GRM3: variants seen among roughly 807,000 people sequenced by gnomAD.
The protein encoded by GRM3 is glutamate metabotropic receptor 3, also known as metabotropic glutamate receptor 3.
A neutral mutation model predicts 70.5 loss-of-function variants in GRM3; 26 were observed. The observed-to-expected ratio is 0.37, with a 90% CI of 0.27 to 0.51. The LOEUF (loss-of-function observed/expected upper bound fraction) is 0.51. GRM3 is among the 20% of genes least tolerant of loss of function. GRM3 has a pLI of 0.93. For synonymous variants in GRM3, 443 were observed against 434.9 expected (o/e 1.02, Z -0.23); for missense variants, 859 against 1,123.8 (o/e 0.76, Z 3.37).
intron 1 of GRM3, among the ~76,000 whole-genome samples, chr7:86,652,131 TGC>T (rs894492518): frequency 6.6e-6 from 1 of 152,172 alleles, no homozygotes; most frequent in African/African-American, 2.4e-5. Context: ...ACACTCATAA[TGC>T]AGTAATTTGA....
At chr7:86,806,650 T>C (rs1180137070) in intron 3 of GRM3, among the ~76,000 whole-genome samples, 3 of 152,188 alleles carry the variant, frequency 2.0e-5, no homozygotes, top group Non-Finnish European at 4.4e-5. Context: ...TATTAGCCCT[T>C]TGTCAGATGG....
At chr7:86,822,552 T>C (rs1798143858) in intron 3 of GRM3, among the ~76,000 whole-genome samples, 1 of 152,000 alleles carries the variant, frequency 6.6e-6, no homozygotes, top group Non-Finnish European at 1.5e-5. Flanking sequence ...AAAATGCATG[T>C]TGCATGTGAG....
At chr7:86,652,636 G>A (rs996488388) in intron 1 of GRM3, among the ~76,000 whole-genome samples, 2 of 152,142 alleles carry the variant, frequency 1.3e-5, no homozygotes, top group South Asian at 2.1e-4. Flanking sequence ...GCCAGTAGCC[G>A]ATAGTATTAG....
intron 1 of GRM3, among the ~76,000 whole-genome samples, chr7:86,714,748 T>C (rs914493644): frequency 6.6e-6 from 1 of 152,012 alleles, no homozygotes; most frequent in Non-Finnish European, 1.5e-5. Context: ...ACATTATATA[T>C]AACTATGATT....
Position 86,785,507 on chromosome 7 carries a change from T to C in GRM3, c.469-754T>C, listed in dbSNP as rs891908494. Among the ~76,000 whole-genome samples, 5 of 130,774 alleles carry C rather than the reference T, an allele frequency of 3.8e-5. No individual in the cohort carries two copies. In the South Asian group the frequency reaches 1.2e-3, roughly 30 times the overall value. 85.8% of individuals were successfully genotyped at this position (130,774 alleles called of 152,430 possible). On this transcript the variant is annotated intron_variant, in intron 2 of 5. Transcript: ENST00000361669. ...TCTTGACAAGGTCCTCAATACCTTT[T>C]AATTTTTTTTAATCAAAAATGATGT... is the stretch of plus-strand genomic sequence containing the variant.
chr7:86,787,991 G>A (rs966074845), intron 3 of GRM3, among the ~76,000 whole-genome samples: 12 of 152,176 alleles, frequency 7.9e-5, no homozygotes, highest in African/African-American at 2.9e-4. Context: ...CTTGTTCTGG[G>A]TAGTATAGCT....
At chr7:86,815,544 G>T (rs1797998635) in intron 3 of GRM3, among the ~76,000 whole-genome samples, 1 of 151,826 alleles carries the variant, frequency 6.6e-6, no homozygotes, top group African/African-American at 2.4e-5. Context: ...AAATTCTGGG[G>T]AAATTATTTA....
intron 1 of GRM3, among the ~76,000 whole-genome samples, chr7:86,706,082 T>G (rs1394559736): frequency 1.4e-5 from 2 of 138,978 alleles, no homozygotes; most frequent in African/African-American, 5.7e-5. Flanking sequence ...TAATATACAC[T>G]ACATTTCTAA....
At chr7:86,836,121 G>A (rs1798451528) in intron 3 of GRM3, among the ~76,000 whole-genome samples, 2 of 152,076 alleles carry the variant, frequency 1.3e-5, no homozygotes, top group Admixed American at 1.3e-4. Flanking sequence ...AATACCCAAG[G>A]TTAGTAAGAT....
intron 3 of GRM3, among the ~76,000 whole-genome samples, chr7:86,822,085 A>ACAG (rs1178536312): frequency 2.0e-5 from 3 of 152,146 alleles, no homozygotes; most frequent in Non-Finnish European, 4.4e-5. Flanking sequence ...GAATAACAGC[A>ACAG]CAGTGGCACC....
chr7:86,734,537 A>T (rs1795811849), intron 1 of GRM3, among the ~76,000 whole-genome samples: 1 of 152,326 alleles, frequency 6.6e-6, no homozygotes, highest in Non-Finnish European at 1.5e-5. Flanking sequence ...GGGTTACATA[A>T]TTCAAATATT....
intron 1 of GRM3, among the ~76,000 whole-genome samples, chr7:86,659,568 T>G (rs996550314): frequency 6.6e-6 from 1 of 152,048 alleles, no homozygotes; most frequent in Non-Finnish European, 1.5e-5. Context: ...ATGTAAACTA[T>G]GCAAAAAACA....
chr7:86,834,342 T>C (rs563655982), intron 3 of GRM3, among the ~76,000 whole-genome samples: 1 of 152,312 alleles, frequency 6.6e-6, no homozygotes, highest in South Asian at 2.1e-4. Flanking sequence ...TTTCCTGTTG[T>C]ATTTTCTACT....
chr7:86,660,873 C>T lies in GRM3; in HGVS notation c.-141+16001C>T, dbSNP rs1018790698. Among the ~76,000 whole-genome samples, 5 of 151,874 alleles carry T rather than the reference C, an allele frequency of 3.3e-5. No individual in the cohort carries two copies. The South Asian group carries it at 1.0e-3, about 31-fold the overall frequency. On this transcript the variant is annotated intron_variant, in intron 1 of 5. Transcript: ENST00000361669. ...AATTCCAATAGCTTCCTTTATTTAG[C>T]CATGCCATTTTTGATTCATTCATCC...
intron 1 of GRM3, among the ~76,000 whole-genome samples, chr7:86,695,387 C>T (rs1207487122): frequency 2.0e-5 from 3 of 152,028 alleles, no homozygotes; most frequent in Non-Finnish European, 4.4e-5. Context: ...TGTTCAGTTT[C>T]GAATATATAT....
At chr7:86,649,137 A>C (rs963511797) in intron 1 of GRM3, among the ~76,000 whole-genome samples, 1 of 152,188 alleles carries the variant, frequency 6.6e-6, no homozygotes, top group Non-Finnish European at 1.5e-5. Context: ...GACTGCACGA[A>C]ATAATTTTTA....
At chr7:86,739,989 T>C (rs758861897) in intron 1 of GRM3, among the ~76,000 whole-genome samples, 4 of 152,184 alleles carry the variant, frequency 2.6e-5, no homozygotes, top group Non-Finnish European at 5.9e-5. Context: ...GTTAATAAGA[T>C]GTGCGTGCTA....
At chr7:86,731,097 C>G (rs769970770) in intron 1 of GRM3, among the ~76,000 whole-genome samples, 20 of 151,880 alleles carry the variant, frequency 1.3e-4, no homozygotes, top group Non-Finnish European at 2.4e-4. Context: ...TGATTTCAAT[C>G]ATTACGACAA....
At chr7:86,741,493 G>A (rs779095158) in intron 1 of GRM3, among the ~76,000 whole-genome samples, 1 of 152,154 alleles carries the variant, frequency 6.6e-6, no homozygotes, top group Non-Finnish European at 1.5e-5. Context: ...AATATTTATA[G>A]TCAACTATAT....
Sources: allele counts gnomAD v4.1 joint callset (sites outside exome capture counted in the v4.1 genomes callset), GRCh38; gene constraint gnomAD v4.1.1; transcripts MANE v1.5; gene names NCBI Gene and HGNC (gene_info 2026-07-23, HGNC 2026-07-21).